The following BACH2 variants were observed in gnomAD, a reference collection of about 807,000 sequenced individuals.
BACH2 encodes BACH transcriptional regulator 2, also known as transcription regulator protein BACH2.
Under a neutral mutation model 61.8 loss-of-function variants are expected in BACH2, and 5 were observed. The observed-to-expected ratio is 0.08, with a 90% CI of 0.04 to 0.17. The LOEUF is 0.17. Among genes scored for constraint, BACH2 ranks in the 10% least tolerant of loss-of-function variants. The pLI, the probability that BACH2 is intolerant of heterozygous loss-of-function variation, is 1.00. For synonymous variants in BACH2, 446 were observed against 440.1 expected (o/e 1.01, Z -0.17); for missense variants, 824 against 1,091.1 (o/e 0.76, Z 3.45).
rs1242230008 is a variant in BACH2 at position 89,929,513 on chromosome 6, A to G, written c.*2895T>C. 1 of 152,380 alleles carries G rather than the reference A, an allele frequency of 6.6e-6. No individual in the cohort carries two copies. The highest frequency in any genetic ancestry group is 1.5e-5 in the Non-Finnish European group (1 of 68,050). 9.4% of individuals were successfully genotyped at this position (152,380 alleles called of 1,614,324 possible). A position where few individuals can be genotyped will look rare whatever the true frequency, so the allele number is the denominator to read the frequency against. ...CACTGTTCATGGTGGATTATGAATGAAATAACTTGTGAGAAATCTCTATGA... is the reference window on the plus strand; with the variant it reads ...CACTGTTCATGGTGGATTATGAATGGAATAACTTGTGAGAAATCTCTATGA... On this transcript the variant is annotated 3_prime_UTR_variant, in exon 9 of 9. Coordinates refer to ENST00000257749, the MANE Select transcript of BACH2 (RefSeq NM_021813.4).
At chr6:90,182,509 T>C (rs924227886) in intron 4 of BACH2, among the ~76,000 whole-genome samples, 2 of 152,206 alleles carry the variant, frequency 1.3e-5, no homozygotes, top group Non-Finnish European at 2.9e-5. Flanking sequence ...CACTGAGGCT[T>C]TGATTATGGG....
chr6:90,161,402 T>A (rs1485978658), intron 4 of BACH2, among the ~76,000 whole-genome samples: 8 of 152,192 alleles, frequency 5.3e-5, no homozygotes, highest in African/African-American at 1.7e-4. Context: ...AAGTATTTAA[T>A]CCCTGTTAGG....
At chr6:90,066,187 A>G (rs978992807) in intron 5 of BACH2, among the ~76,000 whole-genome samples, 7 of 152,166 alleles carry the variant, frequency 4.6e-5, no homozygotes, top group African/African-American at 1.7e-4. Context: ...GAAACCAATA[A>G]GTCCACAGGT....
chr6:90,118,528 G>A (rs1316049164), intron 4 of BACH2, among the ~76,000 whole-genome samples: 5 of 152,094 alleles, frequency 3.3e-5, no homozygotes, highest in Non-Finnish European at 7.4e-5. Context: ...AAATAATTTT[G>A]TTCTATCTAT....
chr6:90,178,090 G>A (rs1370918859), intron 4 of BACH2, among the ~76,000 whole-genome samples: 4 of 152,166 alleles, frequency 2.6e-5, no homozygotes, highest in Admixed American at 6.5e-5. Context: ...GCTCTTCACA[G>A]AAGAGAAAAT....
At chr6:90,277,480 G>A (rs1182432771) in intron 1 of BACH2, among the ~76,000 whole-genome samples, 1 of 152,148 alleles carries the variant, frequency 6.6e-6, no homozygotes, top group East Asian at 1.9e-4. Flanking sequence ...TGGCTACCAC[G>A]GGTGAAGTAG....
chr6:90,295,186 G>GCAGGC, intron 1 of BACH2, among the ~76,000 whole-genome samples: 1 of 152,236 alleles, frequency 6.6e-6, no homozygotes, highest in South Asian at 2.1e-4. Flanking sequence ...GGCGACGGCG[G>GCAGGC]TGACCGGGAG....
At chr6:90,267,004 C>A (rs923790345) in intron 2 of BACH2, among the ~76,000 whole-genome samples, 4 of 152,070 alleles carry the variant, frequency 2.6e-5, no homozygotes, top group African/African-American at 9.7e-5. Context: ...AGATGCCCCA[C>A]CCTGTGCCCT....
At chr6:90,229,571 ACT>A (rs1178366496) in intron 3 of BACH2, among the ~76,000 whole-genome samples, 2 of 152,186 alleles carry the variant, frequency 1.3e-5, no homozygotes, top group African/African-American at 4.8e-5. Context: ...ACTGTCCTAG[ACT>A]CTGTCAGTAC....
chr6:90,200,993 T>C (rs558839438), intron 4 of BACH2, among the ~76,000 whole-genome samples: 1 of 152,326 alleles, frequency 6.6e-6, no homozygotes, highest in South Asian at 2.1e-4. Context: ...AAAAATGAAA[T>C]GATTAGACTG....
Position 89,995,504 on chromosome 6 carries a change from C to T in BACH2, c.243+13098G>A, listed in dbSNP as rs79758251. Among the ~76,000 whole-genome samples, 628 of 152,276 alleles carry T rather than the reference C, an allele frequency of 4.1e-3. 18 individuals carry two copies. In the East Asian group the frequency reaches 0.08, roughly 19 times the overall value. On this transcript the variant is annotated intron_variant, in intron 6 of 8. Coordinates refer to ENST00000257749, the MANE Select transcript of BACH2 (RefSeq NM_021813.4). The stretch of plus-strand genomic sequence containing the variant: ...CTCCAGGCTCAGATTGACCCCTGCC[C>T]GGGTTACTGTGAAGACAGTCTGATC...
chr6:90,290,185 G>A (rs1224033536), intron 1 of BACH2, among the ~76,000 whole-genome samples: 2 of 152,246 alleles, frequency 1.3e-5, no homozygotes, highest in Non-Finnish European at 2.9e-5. Context: ...TGAATCTCAA[G>A]TTTCAGACTG....
chr6:90,069,533 T>A (rs1781124173), intron 5 of BACH2, among the ~76,000 whole-genome samples: 1 of 152,208 alleles, frequency 6.6e-6, no homozygotes, highest in East Asian at 1.9e-4. Flanking sequence ...AGTTGCTGTG[T>A]GTCTGGCAAG....
intron 4 of BACH2, among the ~76,000 whole-genome samples, chr6:90,100,855 A>G: frequency 6.6e-6 from 1 of 152,174 alleles, no homozygotes; most frequent in East Asian, 1.9e-4. Flanking sequence ...TGGCTGTAGC[A>G]GGACAATCCC....
At chr6:90,034,339 T>C (rs964046957) in intron 5 of BACH2, among the ~76,000 whole-genome samples, 4 of 152,180 alleles carry the variant, frequency 2.6e-5, no homozygotes, top group African/African-American at 9.6e-5. Context: ...ATGATTAATA[T>C]AACAATTTCA....
intron 1 of BACH2, among the ~76,000 whole-genome samples, chr6:90,288,823 T>C (rs1772098511): frequency 6.6e-6 from 1 of 152,158 alleles, no homozygotes. Flanking sequence ...CTCTTACAGG[T>C]ATAGTTTTTT....
intron 4 of BACH2, among the ~76,000 whole-genome samples, chr6:90,133,566 G>A (rs546042038): frequency 6.6e-6 from 1 of 151,612 alleles, no homozygotes; most frequent in Admixed American, 6.6e-5. Context: ...TGTACTTTAA[G>A]TTTTAGGGTA....
intron 6 of BACH2, among the ~76,000 whole-genome samples, chr6:89,961,926 A>C (rs1391202508): frequency 6.6e-6 from 1 of 152,208 alleles, no homozygotes; most frequent in Non-Finnish European, 1.5e-5. Context: ...ATTTCCTCCC[A>C]GTATCTATTG....
chr6:90,117,815 C>T (rs1458359335), intron 4 of BACH2, among the ~76,000 whole-genome samples: 2 of 152,110 alleles, frequency 1.3e-5, no homozygotes, highest in African/African-American at 4.8e-5. Flanking sequence ...TCTTGTTTAG[C>T]TTTTACTTAT....
Sources: gnomAD v4.1 joint callset for allele counts (sites outside exome capture counted in the v4.1 genomes callset) on GRCh38, gnomAD v4.1.1 for gene constraint, MANE v1.5 for transcripts, NCBI Gene and HGNC (gene_info 2026-07-23, HGNC 2026-07-21) for gene names.